Variants in TRMT10A observed in about 807,000 individuals in gnomAD.
TRMT10A encodes the protein tRNA methyltransferase 10 homolog A.
TRMT10A carries 37 observed loss-of-function variants against 40.4 expected under a neutral mutation model. That is an observed-to-expected ratio of 0.92 (90% confidence interval 0.71 to 1.21). The LOEUF is 1.21. Among genes scored for constraint, TRMT10A ranks in the 50% most tolerant of loss-of-function variants. The pLI is 0.00. For synonymous variants in TRMT10A, 103 were observed against 134.1 expected, an observed-to-expected ratio of 0.77 and a Z score of 1.60; for missense variants, 388 against 404.3, an observed-to-expected ratio of 0.96 and a Z score of 0.35.
At chr4:99,561,671 C>T (rs1724403962) in intron 1 of TRMT10A, among the ~76,000 whole-genome samples, 1 of 152,178 alleles carries the variant, frequency 6.6e-6, no homozygotes, top group Non-Finnish European at 1.5e-5. Flanking sequence ...CTACACTGCA[C>T]TATGTACTAG....
chr4:99,563,046 C>G (rs181795621), intron 1 of TRMT10A, among the ~76,000 whole-genome samples: 3 of 152,160 alleles, frequency 2.0e-5, no homozygotes, highest in Non-Finnish European at 4.4e-5. Flanking sequence ...GTCCCGAACT[C>G]CTGACCTCAG....
chr4:99,562,981 C>T (rs1485584620), intron 1 of TRMT10A, among the ~76,000 whole-genome samples: 2 of 151,946 alleles, frequency 1.3e-5, no homozygotes, highest in Non-Finnish European at 2.9e-5. Flanking sequence ...GCCACCACGC[C>T]CGGCTAATTT....
intron 2 of TRMT10A, among the ~76,000 whole-genome samples, chr4:99,558,666 T>C (rs1411050422): frequency 6.6e-6 from 1 of 152,162 alleles, no homozygotes; most frequent in East Asian, 1.9e-4. Context: ...TTTCTCTCCA[T>C]AAATTTTGGC....
chr4:99,562,199 A>ATGTGTGTGTGTG (rs565108332), intron 1 of TRMT10A, among the ~76,000 whole-genome samples: 2 of 117,688 alleles, frequency 1.7e-5, no homozygotes, highest in African/African-American at 3.8e-5. Context: ...ATATATATAT[A>ATGTGTGTGTGTG]TATGTGTGTG....
At chr4:99,550,481 C>T (rs951005860) in intron 7 of TRMT10A, among the ~76,000 whole-genome samples, 1 of 152,150 alleles carries the variant, frequency 6.6e-6, no homozygotes, top group African/African-American at 2.4e-5. Flanking sequence ...CAGGTGTAAG[C>T]CACTGTGCCT....
intron 1 of TRMT10A, among the ~76,000 whole-genome samples, chr4:99,559,577 G>A (rs1021208440): frequency 4.9e-4 from 74 of 152,154 alleles, no homozygotes; most frequent in Non-Finnish European, 8.1e-4. Flanking sequence ...TATACTACTG[G>A]TGGTCATGGT....
chr4:99,554,632 A>T (rs1240987812), intron 5 of TRMT10A, among the ~76,000 whole-genome samples: 2 of 148,092 alleles, frequency 1.4e-5, no homozygotes, highest in Admixed American at 1.4e-4. Context: ...GAGGCTGGAG[A>T]ATTGTTTGAA....
At chr4:99,557,916 C>T (rs1724230460) in intron 3 of TRMT10A, 133 bp downstream of exon 3, 1 of 824,042 alleles carries the variant, frequency 1.2e-6, no homozygotes. Context: ...GCTAATTTAA[C>T]TTAGGGGAAA....
Position 99,546,840 on chromosome 4 carries a change from T to C in TRMT10A, c.*2248A>G, listed in dbSNP as rs868450242. On this transcript the variant is annotated 3_prime_UTR_variant, in exon 8 of 8. Transcript: ENST00000394876. The stretch of plus-strand genomic sequence containing the variant: ...CCAAAACAATGTTGAGAGAAAAGTA[T>C]ACATGCAAATGAGCAAAAAGCTTAA... 1 of 152,146 alleles carries C rather than the reference T, an allele frequency of 6.6e-6. No homozygotes were observed. 9.4% of individuals were successfully genotyped at this position (152,146 alleles called of 1,614,324 possible).
At chr4:99,562,349 A>G (rs1012403492) in intron 1 of TRMT10A, among the ~76,000 whole-genome samples, 1 of 150,734 alleles carries the variant, frequency 6.6e-6, no homozygotes, top group Non-Finnish European at 1.5e-5. Flanking sequence ...ATCAATGAGC[A>G]CCAAAAGAAA....
chr4:99,560,955 T>A (rs1334529721), intron 1 of TRMT10A, among the ~76,000 whole-genome samples: 1 of 151,584 alleles, frequency 6.6e-6, no homozygotes, highest in Non-Finnish European at 1.5e-5. Flanking sequence ...GTGAAGATTT[T>A]TTTTTTTTTT....
At chr4:99,562,515 CTTTTTTTTTTT>C (rs67816425) in intron 1 of TRMT10A, among the ~76,000 whole-genome samples, 8 of 76,642 alleles carry the variant, frequency 1.0e-4, no homozygotes, top group Admixed American at 3.1e-4. Context: ...AAAGGAATGC[CTTTTTTTTTTT>C]TTTTTTTTTT....
At chr4:99,562,063 C>A (rs898847929) in intron 1 of TRMT10A, among the ~76,000 whole-genome samples, 1 of 151,236 alleles carries the variant, frequency 6.6e-6, no homozygotes, top group East Asian at 2.0e-4. Context: ...TCCAGCTACT[C>A]GGGAGGCTGA....
intron 2 of TRMT10A, 73 bp from the exon 3 acceptor site, chr4:99,558,284 A>G (rs1724250437): frequency 3.1e-6 from 4 of 1,270,802 alleles, no homozygotes; most frequent in Non-Finnish European, 4.3e-6. Flanking sequence ...TAAATAAACA[A>G]TTCCTTTTAA....
At chr4:99,563,655 C>G (rs1724557312) in intron 1 of TRMT10A, 1 of 334,026 alleles carries the variant, frequency 3.0e-6, no homozygotes, top group East Asian at 8.1e-5. Context: ...CTTCTAGGCT[C>G]CCAGCCAGCA....
At position 99,551,007 on chromosome 4, in the gene TRMT10A, A is replaced by G. The variant is rs772565789; in HGVS notation, c.646-17T>C. The G allele has an allele frequency of 1.9e-6, 3 of 1,542,578 alleles. No individual in the cohort carries two copies. The highest frequency in any genetic ancestry group is 2.7e-6 in the Non-Finnish European group (3 of 1,125,128). On this transcript the variant is annotated splice_polypyrimidine_tract_variant and intron_variant, in intron 6 of 7. Transcript: ENST00000394876. ...TGTGAGTCCCTAAAACAAAGACACT[A>G]TGACTTCGACAAGAACATTAAATTA...
chr4:99,554,073 T>C (rs765069826), intron 5 of TRMT10A, 139 bp from the exon 6 acceptor site: 49 of 804,092 alleles, frequency 6.1e-5, no homozygotes, highest in Admixed American at 8.5e-5. Context: ...TTACAATGCA[T>C]TATTTTGAAT....
chr4:99,557,679 G>A (rs1578211754), intron 3 of TRMT10A: 1 of 411,936 alleles, frequency 2.4e-6, no homozygotes, highest in Non-Finnish European at 4.3e-6. Context: ...ACTCTCTAAA[G>A]AGACAACAAC....
chr4:99,555,466 T>C (rs532633338), intron 5 of TRMT10A, among the ~76,000 whole-genome samples: 1 of 152,232 alleles, frequency 6.6e-6, no homozygotes, highest in East Asian at 1.9e-4. Context: ...AACAATTTGG[T>C]CCAATAGAAA....
Sources: gnomAD v4.1 joint callset for allele counts (sites outside exome capture counted in the v4.1 genomes callset) on GRCh38, gnomAD v4.1.1 for gene constraint, MANE v1.5 for transcripts, NCBI Gene and HGNC (gene_info 2026-07-23, HGNC 2026-07-21) for gene names.